The following LRP2 variants were observed in gnomAD, a reference collection of about 807,000 sequenced individuals.
LRP2 encodes the protein low-density lipoprotein receptor-related protein 2.
A neutral mutation model predicts 531.0 loss-of-function variants in LRP2; 172 were observed. That is an observed-to-expected ratio of 0.32 (90% CI 0.29 to 0.37). The LOEUF is 0.37. LRP2 is among the 10% of genes least tolerant of loss of function. The pLI, the probability that LRP2 is intolerant of heterozygous loss-of-function variation, is 1.00. For missense variants in LRP2, 5,167 were observed against 5,868.3 expected (o/e 0.88, Z 3.90); for synonymous variants, 1,992 against 2,027.6 (o/e 0.98, Z 0.47).
chr2:169,361,205 G>T (rs1478118343), intron 1 of LRP2, among the ~76,000 whole-genome samples: 1 of 152,096 alleles, frequency 6.6e-6, no homozygotes, highest in African/African-American at 2.4e-5. Context: ...TCTGGTGGTC[G>T]GTCACACGCA....
intron 1 of LRP2, among the ~76,000 whole-genome samples, chr2:169,349,423 C>A (rs1685784985): frequency 6.6e-6 from 1 of 152,078 alleles, no homozygotes; most frequent in African/African-American, 2.4e-5. Context: ...GTGCACTGTG[C>A]ATGGGGAGAG....
intron 6 of LRP2, among the ~76,000 whole-genome samples, 155 bp from the exon 7 acceptor site, chr2:169,292,524 G>GA (rs1553509789): frequency 3.6e-4 from 54 of 151,300 alleles, no homozygotes; most frequent in Non-Finnish European, 1.9e-4. Flanking sequence ...TAAAAAGGAG[G>GA]AAAAAAAAGA....
chr2:169,231,709 T>G lies in LRP2; in HGVS notation c.5227+5A>C, dbSNP rs765583101. The G allele has an allele frequency of 6.2e-7, 1 of 1,613,894 alleles. No homozygotes were observed. The highest frequency in any genetic ancestry group is 2.2e-5 in the East Asian group (1 of 44,874). On this transcript the variant is annotated splice_donor_5th_base_variant and intron_variant, in intron 31 of 78. Transcript: ENST00000649046. ...TTCAGAGCTCACATAAGGAGCATAC[T>G]ATACCTCTCAAGCAATTCAGGAGAT...
chr2:169,205,903 G>T (rs1292961105), intron 40 of LRP2, 120 bp downstream of exon 40: 13 of 1,332,796 alleles, frequency 9.8e-6, no homozygotes, highest in Admixed American at 3.4e-5. Flanking sequence ...TTTCATTTTT[G>T]AATCTGTAGC....
chr2:169,208,434 T>C (rs1173569820), intron 38 of LRP2, among the ~76,000 whole-genome samples: 1 of 152,108 alleles, frequency 6.6e-6, no homozygotes, highest in African/African-American at 2.4e-5. Flanking sequence ...ATTTTCATAA[T>C]ACATGCTTAT....
chr2:169,344,701 A>G (rs1304768021), intron 1 of LRP2, among the ~76,000 whole-genome samples: 1 of 152,232 alleles, frequency 6.6e-6, no homozygotes, highest in East Asian at 1.9e-4. Context: ...AAAACAAGAC[A>G]TTAAGTGACT....
intron 3 of LRP2, among the ~76,000 whole-genome samples, chr2:169,308,364 C>T (rs962433814): frequency 6.6e-6 from 1 of 152,026 alleles, no homozygotes; most frequent in African/African-American, 2.4e-5. Context: ...CTAATGTTAT[C>T]CTTCCCCTCT....
intron 50 of LRP2, among the ~76,000 whole-genome samples, chr2:169,183,121 G>A (rs1253482325): frequency 6.6e-6 from 1 of 152,152 alleles, no homozygotes; most frequent in Non-Finnish European, 1.5e-5. Context: ...ATAGTGAGAA[G>A]GTCATTTAGG....
intron 1 of LRP2, among the ~76,000 whole-genome samples, chr2:169,356,282 C>T (rs1685985116): frequency 6.6e-6 from 1 of 152,198 alleles, no homozygotes; most frequent in Non-Finnish European, 1.5e-5. Flanking sequence ...TACTGAATAA[C>T]ATGTGAAGTT....
rs1268076851 is a variant in LRP2 at position 169,130,110 on chromosome 2, C to T, written c.13729-1026G>A. On this transcript the variant is annotated intron_variant, in intron 77 of 78. Transcript: ENST00000649046. Reference sequence around the variant, plus strand: ...TTCAGGTCAGAGCCCTGCCTCTGGGCGCTTACAGTTAAGTGGGGCGGGCCA... The same window carrying T: ...TTCAGGTCAGAGCCCTGCCTCTGGGTGCTTACAGTTAAGTGGGGCGGGCCA... 5.7e-4 allele frequency among the ~76,000 whole-genome samples: 87 copies of T among 152,230 alleles called. 1 individual carries two copies. The highest frequency in any genetic ancestry group is 2.1e-4 in the South Asian group (1 of 4,830).
intron 38 of LRP2, among the ~76,000 whole-genome samples, chr2:169,209,011 T>C (rs1688501775): frequency 6.6e-6 from 1 of 152,182 alleles, no homozygotes; most frequent in South Asian, 2.1e-4. Context: ...GGGATTTTTA[T>C]ATATGAATAA....
chr2:169,307,327 G>A lies in LRP2; in HGVS notation c.381C>T (p.Cys127=), dbSNP rs2105492305. The A allele has an allele frequency of 1.9e-6, 3 of 1,613,942 alleles. No homozygotes were observed. Among genetic ancestry groups the A allele is most frequent in the African/African-American group, 2.7e-5 (2 of 75,014 alleles). ...NGQCIPSEYR[C]DHVRDCPDGA... ...CATCGGGGCAGTCTCTGACGTGGTCGCACCTGTATTCACTTGGGATACACT... is the reference window on the plus strand; with the variant it reads ...CATCGGGGCAGTCTCTGACGTGGTCACACCTGTATTCACTTGGGATACACT... Residue 127 remains cysteine, a synonymous_variant, in exon 4 of 79, where the codon TGC becomes TGT. Transcript: ENST00000649046.
chr2:169,341,586 C>T (rs920218993), intron 1 of LRP2, among the ~76,000 whole-genome samples: 2 of 152,144 alleles, frequency 1.3e-5, no homozygotes, highest in Non-Finnish European at 1.5e-5. Context: ...GAGGTATATT[C>T]TGATATTTAA....
chr2:169,254,643 T>A (rs79875549), intron 19 of LRP2, among the ~76,000 whole-genome samples: 66 of 73,210 alleles, frequency 9.0e-4, no homozygotes, highest in East Asian at 1.5e-3. Context: ...TAGAGTATAA[T>A]AAAAAAAAAA....
At chr2:169,205,741 T>A in intron 40 of LRP2, 104 bp from the exon 41 acceptor site, 6 of 1,196,262 alleles carry the variant, frequency 5.0e-6, no homozygotes, top group Non-Finnish European at 7.3e-6. Flanking sequence ...GCCAGTAACA[T>A]GGCAAAAGAA....
chr2:169,248,694 C>CG (rs1690111516), intron 19 of LRP2, among the ~76,000 whole-genome samples: 1 of 147,066 alleles, frequency 6.8e-6, no homozygotes, highest in Admixed American at 6.8e-5. Flanking sequence ...ACGCAGAAGA[C>CG]GGTGATTTCT....
chr2:169,222,823 G>A (rs979237815), intron 33 of LRP2, among the ~76,000 whole-genome samples: 28 of 152,120 alleles, frequency 1.8e-4, no homozygotes, highest in East Asian at 7.7e-4. Context: ...CTGAAACCTC[G>A]GAAAGTGAAA....
intron 33 of LRP2, among the ~76,000 whole-genome samples, chr2:169,224,234 T>G (rs1689120641): frequency 1.3e-5 from 2 of 152,226 alleles, no homozygotes; most frequent in Non-Finnish European, 2.9e-5. Flanking sequence ...CCTAAAGCAG[T>G]GGATTGTCAG....
In LRP2 at chr2:169,211,874, T is replaced by A. The variant is rs1688605964; in HGVS notation, c.6280+94A>T. On this transcript the variant is annotated intron_variant, in intron 37 of 78. Transcript: ENST00000649046. ...GGGAAAGGAAAGCTTCATTATGCAC[T>A]GAATCCACACATGAAGAAATGTTTT... 10 of 1,520,082 alleles carry A rather than the reference T, an allele frequency of 6.6e-6. No homozygotes were observed. In the Admixed American group the frequency reaches 1.7e-4, roughly 25 times the overall value. 94.2% of individuals were successfully genotyped at this position (1,520,082 alleles called of 1,614,324 possible). A position where few individuals can be genotyped will look rare whatever the true frequency, so the allele number is the denominator to read the frequency against.
Sources: allele counts gnomAD v4.1 joint callset (sites outside exome capture counted in the v4.1 genomes callset), GRCh38; gene constraint gnomAD v4.1.1; transcripts MANE v1.5; gene names NCBI Gene and HGNC (gene_info 2026-07-23, HGNC 2026-07-21).